LCP1: variants seen among roughly 807,000 people sequenced by gnomAD.
The protein encoded by LCP1 is plastin-2.
LCP1 carries 23 observed loss-of-function variants against 72.0 expected under a neutral mutation model. The observed-to-expected ratio is 0.32, with a 90% CI of 0.23 to 0.45. The LOEUF is 0.45. LCP1 is among the 20% of genes least tolerant of loss of function. LCP1 has a pLI of 1.00. For synonymous variants in LCP1, 245 were observed against 275.4 expected, an observed-to-expected ratio of 0.89 and a Z score of 1.09; for missense variants, 571 against 748.3, an observed-to-expected ratio of 0.76 and a Z score of 2.76.
chr13:46,129,782 G>C (rs529352936), intron 15 of LCP1, among the ~76,000 whole-genome samples: 29 of 152,246 alleles, frequency 1.9e-4, no homozygotes, highest in African/African-American at 5.8e-4. Flanking sequence ...ATATGCTGAA[G>C]TCTTAACCCC....
rs1003807749 is a variant in LCP1 at position 46,130,877 on chromosome 13, G to C, written c.1688C>G (p.Ser563Cys). The C allele has an allele frequency of 1.2e-6, 2 of 1,613,146 alleles. No homozygotes were observed. Among genetic ancestry groups the C allele is most frequent in the Non-Finnish European group, 1.7e-6 (2 of 1,179,634 alleles). The change falls in exon 15 of 16, where the codon TCC (serine) becomes TGC (cysteine). Residue 563 changes from serine (S) to cysteine (C), a missense_variant. Ser to Cys is a moderately radical substitution (Grantham distance 112, BLOSUM62 -1). Transcript: ENST00000323076. ...TGTCTTCAGAAGGTCATAGTTAATG[G>C]AACCTGGTTGGATGGCATCGATGAG... ...LDLIDAIQPG[S>C]INYDLLKTEN... is the part of the protein sequence containing the mutation.
intron 7 of LCP1, among the ~76,000 whole-genome samples, chr13:46,152,301 G>C (rs981297430): frequency 2.6e-5 from 4 of 151,902 alleles, no homozygotes; most frequent in African/African-American, 9.7e-5. Flanking sequence ...GTGCTGTTTA[G>C]ATCTCCACTT....
intron 13 of LCP1, among the ~76,000 whole-genome samples, chr13:46,137,078 C>T (rs1362519242): frequency 6.6e-6 from 1 of 152,078 alleles, no homozygotes; most frequent in Non-Finnish European, 1.5e-5. Flanking sequence ...CAGCTTATTC[C>T]ATGCTGGGGT....
At chr13:46,169,989 C>G (rs1269769559) in intron 1 of LCP1, among the ~76,000 whole-genome samples, 1 of 152,202 alleles carries the variant, frequency 6.6e-6, no homozygotes, top group Admixed American at 6.5e-5. Flanking sequence ...TGGTCCAGAT[C>G]TCTGTAGTGT....
intron 14 of LCP1, 75 bp from the exon 15 acceptor site, chr13:46,131,013 G>A (rs1010385431): frequency 2.1e-6 from 3 of 1,440,094 alleles, no homozygotes; most frequent in African/African-American, 2.9e-5. Context: ...GAAGTGGGTG[G>A]CTTTTTCTTC....
At chr13:46,142,222 AAAAATTTGCT>A in intron 13 of LCP1, 60 bp downstream of exon 13, 2 of 1,509,876 alleles carry the variant, frequency 1.3e-6, no homozygotes, top group East Asian at 4.5e-5. Flanking sequence ...TCATACTGCT[AAAAATTTGCT>A]AATATTTGTC....
At chr13:46,145,627 A>AAATGGGATGGGAGGTG (rs774045993) in intron 10 of LCP1, among the ~76,000 whole-genome samples, 85 of 135,088 alleles carry the variant, frequency 6.3e-4, no homozygotes, top group Admixed American at 1.2e-3. Flanking sequence ...AAAAGAGGGC[A>AAATGGGATGGGAGGTG]GGCCGGGCGC....
In LCP1 at chr13:46,159,647, C is replaced by G; in HGVS notation, c.16G>C (p.Val6Leu). The change falls in exon 2 of 16, where the codon GTG (valine) becomes CTG (leucine). Residue 6 changes from valine (V) to leucine (L), a missense_variant. Physicochemically the swap from Val to Leu is conservative, Grantham distance 32. Transcript: ENST00000323076. MARGS[V>L]SDEEMMELRE... ...AGCTCCATCATTTCCTCATCGGACA[C>G]TGATCCTCTGGCCATTTTTTATTGC... 1 of 1,614,096 alleles carries G rather than the reference C, an allele frequency of 6.2e-7. No individual in the cohort carries two copies. Among genetic ancestry groups the G allele is most frequent in the East Asian group, 2.2e-5 (1 of 44,872 alleles).
At chr13:46,147,409 T>C (rs890118003) in intron 9 of LCP1, among the ~76,000 whole-genome samples, 1 of 152,250 alleles carries the variant, frequency 6.6e-6, no homozygotes, top group Non-Finnish European at 1.5e-5. Flanking sequence ...CATTTGAGTT[T>C]ATCTTAATTA....
intron 1 of LCP1, among the ~76,000 whole-genome samples, chr13:46,172,572 G>A (rs932339884): frequency 1.3e-5 from 2 of 152,196 alleles, no homozygotes; most frequent in African/African-American, 4.8e-5. Context: ...GCTGTGGCAG[G>A]TTGGGTGTGG....
intron 1 of LCP1, among the ~76,000 whole-genome samples, chr13:46,180,947 G>A (rs1243516292): frequency 3.3e-5 from 5 of 152,062 alleles, no homozygotes; most frequent in Non-Finnish European, 5.9e-5. Flanking sequence ...TAACATTGGT[G>A]GTCACATTTT....
At chr13:46,177,322 G>A (rs1347573675) in intron 1 of LCP1, among the ~76,000 whole-genome samples, 1 of 152,204 alleles carries the variant, frequency 6.6e-6, no homozygotes, top group African/African-American at 2.4e-5. Context: ...ACTAGAAAAT[G>A]TGAATGCCAC....
chr13:46,163,495 C>T (rs1210068052), intron 1 of LCP1, among the ~76,000 whole-genome samples: 1 of 152,298 alleles, frequency 6.6e-6, no homozygotes, highest in Non-Finnish European at 1.5e-5. Flanking sequence ...GACACAAACA[C>T]TGCGGAAGGC....
chr13:46,170,166 T>C lies in LCP1; in HGVS notation c.-24-10480A>G, dbSNP rs557784210. Reference sequence around the variant, plus strand: ...GAGGAATTTAACAATAATATTCTTGTGTACATACTTAGACAATCCCATCCA... The same window carrying C: ...GAGGAATTTAACAATAATATTCTTGCGTACATACTTAGACAATCCCATCCA... On this transcript the variant is annotated intron_variant, in intron 1 of 15. Coordinates refer to ENST00000323076, the MANE Select transcript of LCP1 (RefSeq NM_002298.5). 8.0e-4 allele frequency among the ~76,000 whole-genome samples: 122 copies of C among 152,342 alleles called. 2 individuals are homozygous for C. The South Asian group carries it at 0.025, about 31-fold the overall frequency.
chr13:46,182,015 C>G (rs2045958414), intron 1 of LCP1, 96 bp downstream of exon 1: 1 of 152,234 alleles, frequency 6.6e-6, no homozygotes, highest in South Asian at 2.1e-4. Context: ...GCTCAGATCT[C>G]TGGTCCCCTG....
intron 7 of LCP1, 55 bp downstream of exon 7, chr13:46,152,725 A>G: frequency 3.2e-6 from 5 of 1,560,396 alleles, no homozygotes; most frequent in Non-Finnish European, 3.5e-6. Context: ...ACAGTCCCCA[A>G]CGCGTAAGTT....
At chr13:46,143,837 C>T (rs908108191) in intron 11 of LCP1, among the ~76,000 whole-genome samples, 5 of 152,146 alleles carry the variant, frequency 3.3e-5, no homozygotes, top group Admixed American at 1.3e-4. Context: ...GAGACCAAGG[C>T]GGGTGGATCA....
At chr13:46,134,282 C>G (rs777658067) in intron 13 of LCP1, 32 bp from the exon 14 acceptor site, 3 of 1,595,132 alleles carry the variant, frequency 1.9e-6, no homozygotes, top group Middle Eastern at 1.7e-4. Flanking sequence ...TTCTGGAGAA[C>G]AGTTGCTAAA....
chr13:46,136,537 G>A (rs1194397264), intron 13 of LCP1, among the ~76,000 whole-genome samples: 1 of 152,158 alleles, frequency 6.6e-6, no homozygotes, highest in African/African-American at 2.4e-5. Flanking sequence ...TGGTCCAAGA[G>A]ATGGGACCAA....
Sources: gnomAD v4.1 joint callset for allele counts (sites outside exome capture counted in the v4.1 genomes callset) on GRCh38, gnomAD v4.1.1 for gene constraint, MANE v1.5 for transcripts, NCBI Gene and HGNC (gene_info 2026-07-23, HGNC 2026-07-21) for gene names.